The following FSIP1 variants were observed in gnomAD, a reference collection of about 807,000 sequenced individuals.
The protein encoded by FSIP1 is fibrous sheath-interacting protein 1.
A neutral mutation model predicts 60.9 loss-of-function variants in FSIP1; 65 were observed. The observed-to-expected ratio is 1.07, with a 90% confidence interval of 0.87 to 1.31. The LOEUF is 1.31. Ranked by LOEUF, FSIP1 falls within the 40% of genes most tolerant of loss-of-function variation. The probability of loss-of-function intolerance (pLI) is 0.00; values close to 1 mark genes in which losing one functional copy is unlikely to be tolerated. For synonymous variants in FSIP1, 209 were observed against 221.2 expected (o/e 0.94, Z 0.49); for missense variants, 675 against 665.5 (o/e 1.01, Z -0.16).
downstream of FSIP1, chr15:39,598,674 CT>C (rs1420908419): frequency 6.6e-6 from 1 of 152,120 alleles, no homozygotes; most frequent in Non-Finnish European, 1.5e-5. Flanking sequence ...AAATAAAGGA[CT>C]TGTTAAAAAT....
At chr15:39,635,575 A>T (rs903257317) in intron 10 of FSIP1, among the ~76,000 whole-genome samples, 1 of 152,094 alleles carries the variant, frequency 6.6e-6, no homozygotes, top group Non-Finnish European at 1.5e-5. Flanking sequence ...GAACAATCGG[A>T]TGGGGGCTAT....
At chr15:39,692,520 C>T (rs767313890) in intron 10 of FSIP1, among the ~76,000 whole-genome samples, 16 of 152,088 alleles carry the variant, frequency 1.1e-4, no homozygotes, top group Non-Finnish European at 1.6e-4. Context: ...ATTCTACATC[C>T]TAAATAAACA....
At chr15:39,693,713 C>G (rs62002440) in intron 10 of FSIP1, among the ~76,000 whole-genome samples, 6 of 152,276 alleles carry the variant, frequency 3.9e-5, no homozygotes, top group African/African-American at 1.4e-4. Flanking sequence ...CAGGTATCAT[C>G]TAACTGAGGA....
chr15:39,702,609 C>G (rs1951174483), intron 10 of FSIP1, among the ~76,000 whole-genome samples: 1 of 149,346 alleles, frequency 6.7e-6, no homozygotes, highest in African/African-American at 2.5e-5. Context: ...AAATAACAGG[C>G]TTCATTTCAA....
intron 10 of FSIP1, among the ~76,000 whole-genome samples, chr15:39,677,815 G>A (rs1451658763): frequency 1.3e-5 from 2 of 152,064 alleles, no homozygotes; most frequent in Non-Finnish European, 2.9e-5. Flanking sequence ...GGCCAACATG[G>A]TGAAACCCCG....
At position 39,733,477 on chromosome 15, in the gene FSIP1, T is replaced by C. The variant is rs1241125697; in HGVS notation, c.891+4614A>G. On this transcript the variant is annotated intron_variant, in intron 8 of 11. Transcript: ENST00000350221. Reference sequence around the variant, plus strand: ...GATTAACATTATGAGAAAGATGTTATAAGACCTGGAAGAGAAATCCAAGAG... The same window carrying C: ...GATTAACATTATGAGAAAGATGTTACAAGACCTGGAAGAGAAATCCAAGAG... Among the ~76,000 whole-genome samples, 7 of 152,208 alleles carry C rather than the reference T, an allele frequency of 4.6e-5. 1 individual carries two copies. Among genetic ancestry groups the C allele is most frequent in the Admixed American group, 4.6e-4 (7 of 15,284 alleles).
intron 5 of FSIP1, among the ~76,000 whole-genome samples, chr15:39,749,137 AAC>A: frequency 6.6e-6 from 1 of 151,916 alleles, no homozygotes; most frequent in African/African-American, 2.4e-5. Context: ...ATCTACAATA[AAC>A]ACAGAGATTG....
intron 10 of FSIP1, among the ~76,000 whole-genome samples, chr15:39,675,529 C>T (rs1027706037): frequency 2.6e-5 from 4 of 152,164 alleles, no homozygotes; most frequent in Admixed American, 6.5e-5. Context: ...GGGTGCACCA[C>T]TGCATACAAA....
intron 10 of FSIP1, among the ~76,000 whole-genome samples, chr15:39,710,828 A>G (rs541365514): frequency 6.6e-6 from 1 of 152,354 alleles, no homozygotes; most frequent in African/African-American, 2.4e-5. Context: ...AGCAGTTGCA[A>G]TGATTAAATA....
intron 10 of FSIP1, among the ~76,000 whole-genome samples, chr15:39,674,469 G>T (rs2140475311): frequency 6.6e-6 from 1 of 152,220 alleles, no homozygotes; most frequent in South Asian, 2.1e-4. Flanking sequence ...CGAAAAGCAA[G>T]GAGGGGACCT....
chr15:39,653,702 TAGCTTTAAA>T (rs1892964512), intron 10 of FSIP1, among the ~76,000 whole-genome samples: 1 of 152,154 alleles, frequency 6.6e-6, no homozygotes, highest in South Asian at 2.1e-4. Flanking sequence ...AGAGATCTGA[TAGCTTTAAA>T]AGGGGGAATT....
intron 10 of FSIP1, among the ~76,000 whole-genome samples, chr15:39,645,337 G>A (rs1892547747): frequency 1.3e-5 from 2 of 152,196 alleles, no homozygotes; most frequent in African/African-American, 2.4e-5. Flanking sequence ...GCCAGTGGGA[G>A]CCCTGCCTCT....
chr15:39,643,622 T>C (rs755010057), intron 10 of FSIP1, among the ~76,000 whole-genome samples: 5 of 152,232 alleles, frequency 3.3e-5, no homozygotes, highest in Non-Finnish European at 7.3e-5. Flanking sequence ...AGTCTCAAAT[T>C]GCCTGAATTT....
chr15:39,769,962 C>A (rs1366805158), intron 3 of FSIP1, among the ~76,000 whole-genome samples: 1 of 152,160 alleles, frequency 6.6e-6, no homozygotes, highest in Non-Finnish European at 1.5e-5. Context: ...TCCCACCATA[C>A]CCCCAGGGCT....
intron 10 of FSIP1, among the ~76,000 whole-genome samples, chr15:39,648,937 TG>T (rs1892747609): frequency 1.3e-5 from 2 of 151,792 alleles, no homozygotes; most frequent in Non-Finnish European, 2.9e-5. Flanking sequence ...GGATTTCTTG[TG>T]CAAAGTTTTT....
intron 8 of FSIP1, 95 bp downstream of exon 8, chr15:39,737,996 G>T: frequency 2.7e-6 from 2 of 751,318 alleles, no homozygotes; most frequent in Non-Finnish European, 4.1e-6. Flanking sequence ...CTCAGAATCC[G>T]AAAAATTATT....
At chr15:39,695,823 AT>A (rs1894791833) in intron 10 of FSIP1, among the ~76,000 whole-genome samples, 3 of 152,262 alleles carry the variant, frequency 2.0e-5, no homozygotes, top group Admixed American at 2.0e-4. Flanking sequence ...CTAACATTCA[AT>A]TCAAATATTA....
intron 10 of FSIP1, among the ~76,000 whole-genome samples, chr15:39,646,848 C>T (rs1178487558): frequency 1.3e-5 from 2 of 152,014 alleles, no homozygotes; most frequent in East Asian, 1.9e-4. Flanking sequence ...TGAATGGATA[C>T]AGAAACTGTG....
intron 10 of FSIP1, among the ~76,000 whole-genome samples, chr15:39,682,261 C>T (rs1595608979): frequency 6.6e-6 from 1 of 152,076 alleles, no homozygotes; most frequent in African/African-American, 2.4e-5. Context: ...TATGGTCTGA[C>T]ATTTTTATAT....
Sources: allele counts gnomAD v4.1 joint callset (sites outside exome capture counted in the v4.1 genomes callset), GRCh38; gene constraint gnomAD v4.1.1; transcripts MANE v1.5; gene names NCBI Gene and HGNC (gene_info 2026-07-23, HGNC 2026-07-21).